The following TES variants were observed in gnomAD, a reference collection of about 807,000 sequenced individuals.
The protein encoded by TES is testin.
TES carries 41 observed loss-of-function variants against 48.2 expected under a neutral mutation model. The ratio of observed to expected loss-of-function variants is 0.85; its 90% CI spans 0.66 to 1.10. The LOEUF (loss-of-function observed/expected upper bound fraction) is 1.10, where lower values mean the gene tolerates loss of function less well. Ranked by LOEUF, TES falls within the 50% of genes least tolerant of loss-of-function variation. The probability of loss-of-function intolerance (pLI) is 0.00; values close to 1 mark genes in which losing one functional copy is unlikely to be tolerated. For missense variants in TES, 463 were observed against 515.1 expected, an observed-to-expected ratio of 0.90 and a Z score of 0.98; for synonymous variants, 162 against 174.9, an observed-to-expected ratio of 0.93 and a Z score of 0.58.
chr7:116,218,012 T>C (rs1378831333), intron 1 of TES: 1 of 458,142 alleles, frequency 2.2e-6, no homozygotes, highest in Admixed American at 2.4e-5. Context: ...TGCCAATTTC[T>C]CTGTTCCTTA....
intron 6 of TES, chr7:116,255,147 T>C (rs1323618813): frequency 6.6e-6 from 1 of 151,734 alleles, no homozygotes; most frequent in East Asian, 1.9e-4. Flanking sequence ...TAGAACTCCA[T>C]AGTTACCCCC....
At chr7:116,243,388 C>G (rs1799874986) in intron 2 of TES, among the ~76,000 whole-genome samples, 1 of 152,134 alleles carries the variant, frequency 6.6e-6, no homozygotes, top group Non-Finnish European at 1.5e-5. Flanking sequence ...TCTCTGTCAC[C>G]TTTTCCAGCT....
chr7:116,216,744 G>T (rs1016071918), intron 1 of TES, among the ~76,000 whole-genome samples: 1 of 151,974 alleles, frequency 6.6e-6, no homozygotes, highest in Non-Finnish European at 1.5e-5. Flanking sequence ...ATTTGTGGAG[G>T]TATTTGAAGA....
intron 2 of TES, chr7:116,237,969 C>A (rs2116603610): frequency 6.6e-6 from 1 of 152,330 alleles, no homozygotes; most frequent in South Asian, 2.1e-4. Context: ...AGCCCCTGCT[C>A]CAAATACAGT....
chr7:116,235,787 T>C (rs527722258), intron 2 of TES, among the ~76,000 whole-genome samples: 1 of 152,350 alleles, frequency 6.6e-6, no homozygotes, highest in Admixed American at 6.5e-5. Context: ...GGAAACCGTT[T>C]AGAATACTTT....
intron 3 of TES, 57 bp from the exon 4 acceptor site, chr7:116,250,104 A>C (rs1247555652): frequency 4.2e-6 from 6 of 1,413,156 alleles, no homozygotes; most frequent in Non-Finnish European, 5.6e-6. Flanking sequence ...GTGTGTTATG[A>C]AACATCACAC....
chr7:116,250,321 A>G lies in TES; in HGVS notation c.527A>G (p.Glu176Gly). 2 of 1,613,738 alleles carry G rather than the reference A, an allele frequency of 1.2e-6. No homozygotes were observed. Among genetic ancestry groups the G allele is most frequent in the South Asian group, 2.2e-5 (2 of 90,954 alleles). ...TCTCCCAGAGAGGTGAAGGAGATGG[A>G]GCAGTTTGTGAAGAAATATAAGAGC... ...ELSPREVKEMEQFVKKYKSEA... is the reference protein window; with the variant it reads ...ELSPREVKEMGQFVKKYKSEA... The change falls in exon 4 of 7, where the codon GAG becomes GGG. Residue 176 changes from glutamate (E) to glycine (G), a missense_variant. Coordinates refer to ENST00000358204, the MANE Select transcript of TES (RefSeq NM_015641.4).
chr7:116,228,936 A>T (rs777462613), intron 1 of TES, among the ~76,000 whole-genome samples: 1 of 143,824 alleles, frequency 7.0e-6, no homozygotes, highest in Non-Finnish European at 1.5e-5. Context: ...AGGTTTCCTG[A>T]CTCTCCTCCA....
chr7:116,240,955 G>A (rs1191661140), intron 2 of TES, among the ~76,000 whole-genome samples: 1 of 152,080 alleles, frequency 6.6e-6, no homozygotes, highest in Non-Finnish European at 1.5e-5. Flanking sequence ...TTGCACATGG[G>A]TATTGTGCTC....
chr7:116,233,952 T>C (rs1457572973), intron 1 of TES, among the ~76,000 whole-genome samples: 3 of 152,200 alleles, frequency 2.0e-5, no homozygotes, highest in African/African-American at 7.2e-5. Context: ...CCTAATCATT[T>C]CATAAAGGCC....
chr7:116,243,009 C>G (rs1165154627), intron 2 of TES, among the ~76,000 whole-genome samples: 1 of 152,116 alleles, frequency 6.6e-6, no homozygotes, highest in Non-Finnish European at 1.5e-5. Context: ...CCTCTAGGAA[C>G]TCTTTCTAGA....
At chr7:116,231,441 G>C (rs999795389) in intron 1 of TES, among the ~76,000 whole-genome samples, 1 of 152,162 alleles carries the variant, frequency 6.6e-6, no homozygotes, top group African/African-American at 2.4e-5. Context: ...GAGACTCTGA[G>C]AACATGTGCC....
intron 3 of TES, 166 bp from the exon 4 acceptor site, chr7:116,249,995 A>G (rs1218510885): frequency 7.0e-6 from 3 of 430,444 alleles, no homozygotes; most frequent in Admixed American, 8.7e-5. Context: ...AAATCTATTT[A>G]GTGTACCGTT....
At chr7:116,240,942 C>T (rs959323236) in intron 2 of TES, among the ~76,000 whole-genome samples, 2 of 152,062 alleles carry the variant, frequency 1.3e-5, no homozygotes, top group Non-Finnish European at 2.9e-5. Context: ...TGCAAACAGC[C>T]CCTTGCACAT....
At chr7:116,252,667 A>G in intron 6 of TES, 191 bp downstream of exon 6, 4 of 691,524 alleles carry the variant, frequency 5.8e-6, no homozygotes, top group Non-Finnish European at 9.9e-6. Flanking sequence ...AGCCACCTCA[A>G]GATTTCTACT....
chr7:116,226,145 T>C (rs934113836), intron 1 of TES, among the ~76,000 whole-genome samples: 3 of 152,342 alleles, frequency 2.0e-5, no homozygotes, highest in East Asian at 1.9e-4. Context: ...GATAAAGATA[T>C]GTTATGATAA....
intron 6 of TES, among the ~76,000 whole-genome samples, chr7:116,253,846 G>A (rs897467769): frequency 6.6e-6 from 1 of 152,028 alleles, no homozygotes; most frequent in Non-Finnish European, 1.5e-5. Flanking sequence ...AATGGTGTGT[G>A]TGTGGGTGGG....
intron 1 of TES, among the ~76,000 whole-genome samples, chr7:116,230,111 G>C (rs1361865061): frequency 1.3e-5 from 2 of 152,124 alleles, no homozygotes; most frequent in Non-Finnish European, 2.9e-5. Context: ...AAGTGATTTT[G>C]AAAACTTGGT....
chr7:116,256,936 G>A (rs1024215523), intron 6 of TES, among the ~76,000 whole-genome samples: 4 of 152,078 alleles, frequency 2.6e-5, no homozygotes, highest in Non-Finnish European at 4.4e-5. Context: ...TAATGAACAA[G>A]GAAAAATCAT....
Sources: gnomAD v4.1 joint callset for allele counts (sites outside exome capture counted in the v4.1 genomes callset) on GRCh38, gnomAD v4.1.1 for gene constraint, MANE v1.5 for transcripts, NCBI Gene and HGNC (gene_info 2026-07-23, HGNC 2026-07-21) for gene names.